The following ZDHHC21 variants were observed in gnomAD, a reference collection of about 807,000 sequenced individuals.
ZDHHC21 encodes the protein palmitoyltransferase ZDHHC21.
A neutral mutation model predicts 34.6 loss-of-function variants in ZDHHC21; 15 were observed. That is an observed-to-expected ratio of 0.43 (90% CI 0.29 to 0.67). The LOEUF is 0.67. Among genes scored for constraint, ZDHHC21 ranks in the 30% least tolerant of loss-of-function variants. The pLI, the probability that ZDHHC21 is intolerant of heterozygous loss-of-function variation, is 0.14. For synonymous variants in ZDHHC21, 142 were observed against 101.8 expected (o/e 1.40, Z -2.38); for missense variants, 344 against 327.7 (o/e 1.05, Z -0.38).
chr9:14,643,003 C>A (rs935605422), intron 7 of ZDHHC21, among the ~76,000 whole-genome samples: 4 of 152,076 alleles, frequency 2.6e-5, no homozygotes, highest in African/African-American at 9.7e-5. Context: ...CTTTGGGAGG[C>A]CAAGGTGGGT....
At chr9:14,678,384 G>C (rs1403645003) in intron 3 of ZDHHC21, among the ~76,000 whole-genome samples, 2 of 151,782 alleles carry the variant, frequency 1.3e-5, no homozygotes, top group East Asian at 3.9e-4. Flanking sequence ...ACACATGACC[G>C]ACAAGAGGCA....
rs757696493 is a variant in ZDHHC21, at chr9:14,662,272, G to T, written c.308C>A (p.Ser103Tyr). The T allele has an allele frequency of 6.2e-7, 1 of 1,612,998 alleles. No homozygotes were observed. Among genetic ancestry groups the T allele is most frequent in the Non-Finnish European group, 8.5e-7 (1 of 1,179,610 alleles). The change falls in exon 6 of 10, where the codon TCC becomes TAC. Residue 103 changes from serine to tyrosine, a missense_variant. By Grantham distance (144) the Ser-to-Tyr change is moderately radical. Transcript: ENST00000380916. ...GTGGCCGCAGCGGCTACAGTGATGG[G>T]AACGCTTTGGTCTCATCAAATTACA... is the stretch of plus-strand genomic sequence containing the variant. Reference protein sequence around the residue: ...NKCNLMRPKRSHHCSRCGHCV... With the variant: ...NKCNLMRPKRYHHCSRCGHCV...
At chr9:14,647,274 G>A (rs1830416968) in intron 7 of ZDHHC21, among the ~76,000 whole-genome samples, 1 of 151,948 alleles carries the variant, frequency 6.6e-6, no homozygotes, top group Non-Finnish European at 1.5e-5. Context: ...GCAGTGGGGG[G>A]CACCACCTCT....
chr9:14,591,115 C>G, the ZDHHC21 span, among the ~76,000 whole-genome samples: 1 of 151,814 alleles, frequency 6.6e-6, no homozygotes, highest in Non-Finnish European at 1.5e-5. Flanking sequence ...ACCTCATAAA[C>G]CAATAGTGGG....
chr9:14,629,675 T>A (rs1043848872), intron 8 of ZDHHC21, among the ~76,000 whole-genome samples: 1 of 152,154 alleles, frequency 6.6e-6, no homozygotes, highest in Admixed American at 6.5e-5. Flanking sequence ...GATGTAATAT[T>A]TTTGCTGGTA....
rs546180103 is a variant in ZDHHC21 at position 14,613,983 on chromosome 9, G to A, written c.*4983C>T. 4 of 151,732 alleles carry A rather than the reference G, an allele frequency of 2.6e-5. No individual in the cohort carries two copies. Among genetic ancestry groups the A allele is most frequent in the South Asian group, 2.1e-4 (1 of 4,810 alleles). 9.4% of individuals were successfully genotyped at this position (151,732 alleles called of 1,614,324 possible). A position where few individuals can be genotyped will look rare whatever the true frequency, so the allele number is the denominator to read the frequency against. ...GCATCTGACCAACTGAAGAGAAACC[G>A]CAATATAAATTCTTTAAGTTAAATA... On this transcript the variant is annotated 3_prime_UTR_variant, in exon 10 of 10. Transcript: ENST00000380916.
intron 2 of ZDHHC21, among the ~76,000 whole-genome samples, chr9:14,687,158 A>G (rs1838448865): frequency 6.6e-6 from 1 of 150,836 alleles, no homozygotes; most frequent in Non-Finnish European, 1.5e-5. Flanking sequence ...TCAGCAAAAT[A>G]GTAGTTTCTG....
At chr9:14,593,326 T>C in the ZDHHC21 span, among the ~76,000 whole-genome samples, 1 of 152,146 alleles carries the variant, frequency 6.6e-6, no homozygotes. Context: ...CTACTGACAC[T>C]ACAAAAATTG....
intron 5 of ZDHHC21, among the ~76,000 whole-genome samples, chr9:14,671,650 A>G (rs1425711716): frequency 6.6e-6 from 1 of 152,018 alleles, no homozygotes; most frequent in Non-Finnish European, 1.5e-5. Flanking sequence ...ATGTCAAAAA[A>G]CATGGCTCTA....
intron 5 of ZDHHC21, among the ~76,000 whole-genome samples, chr9:14,665,830 A>C (rs1450064179): frequency 2.7e-5 from 4 of 149,256 alleles, no homozygotes; most frequent in Non-Finnish European, 5.9e-5. Flanking sequence ...GCCTGCCCTA[A>C]AAGAGCTCCT....
At chr9:14,610,534 C>T (rs2133353927), downstream of ZDHHC21, among the ~76,000 whole-genome samples, 1 of 151,958 alleles carries the variant, frequency 6.6e-6, no homozygotes, top group South Asian at 2.1e-4. Context: ...TAAAGTTAAA[C>T]CTCTGTCTTT....
chr9:14,638,213 C>A (rs956646166), intron 8 of ZDHHC21, among the ~76,000 whole-genome samples: 2 of 151,826 alleles, frequency 1.3e-5, no homozygotes, highest in African/African-American at 4.8e-5. Flanking sequence ...AATAGAGGAT[C>A]CAGAAATAAA....
chr9:14,649,212 T>A (rs1329285640), intron 7 of ZDHHC21, among the ~76,000 whole-genome samples: 1 of 152,096 alleles, frequency 6.6e-6, no homozygotes, highest in African/African-American at 2.4e-5. Context: ...AGGATTTTGT[T>A]TTTCTCTGTT....
intron 7 of ZDHHC21, among the ~76,000 whole-genome samples, chr9:14,642,957 G>C (rs939432040): frequency 1.3e-5 from 2 of 151,950 alleles, no homozygotes; most frequent in Non-Finnish European, 2.9e-5. Flanking sequence ...AGTAACACTG[G>C]GCTGGGTACG....
At chr9:14,634,812 A>G (rs530387796) in intron 8 of ZDHHC21, among the ~76,000 whole-genome samples, 3 of 152,348 alleles carry the variant, frequency 2.0e-5, no homozygotes, top group Admixed American at 2.0e-4. Context: ...ATGGCACTCC[A>G]AAGAAATACA....
chr9:14,619,572 T>A, intron 9 of ZDHHC21, 67 bp downstream of exon 9: 1 of 1,213,954 alleles, frequency 8.2e-7, no homozygotes. Context: ...CATATGCACA[T>A]ATTTCTCAAG....
chr9:14,640,370 G>A (rs1829132776), intron 7 of ZDHHC21, among the ~76,000 whole-genome samples: 1 of 150,780 alleles, frequency 6.6e-6, no homozygotes, highest in Admixed American at 6.6e-5. Flanking sequence ...AACACAGATG[G>A]TTGTACAATC....
chr9:14,619,545 T>G (rs1003177547), intron 9 of ZDHHC21, 94 bp downstream of exon 9: 22 of 1,037,104 alleles, frequency 2.1e-5, no homozygotes, highest in Middle Eastern at 2.2e-4. Context: ...AAAGCCATCA[T>G]TATATTATCT....
At chr9:14,637,101 G>C (rs1015608142) in intron 8 of ZDHHC21, among the ~76,000 whole-genome samples, 6 of 151,804 alleles carry the variant, frequency 4.0e-5, no homozygotes, top group Non-Finnish European at 7.4e-5. Flanking sequence ...ATGCAAAGAA[G>C]CAATAAGACA....
Sources: gnomAD v4.1 joint callset for allele counts (sites outside exome capture counted in the v4.1 genomes callset) on GRCh38, gnomAD v4.1.1 for gene constraint, MANE v1.5 for transcripts, NCBI Gene and HGNC (gene_info 2026-07-23, HGNC 2026-07-21) for gene names.